Variants in MEGF11 observed in about 807,000 individuals in gnomAD.
MEGF11 encodes the protein multiple EGF like domains 11.
In MEGF11, 126 loss-of-function variants were observed where a neutral mutation model predicts 146.6. The observed-to-expected ratio is 0.86, with a 90% CI of 0.74 to 1.00. The LOEUF is 1.00. MEGF11 is among the 50% of genes least tolerant of loss of function. MEGF11 has a pLI of 0.00. For synonymous variants in MEGF11, 532 were observed against 583.4 expected, an observed-to-expected ratio of 0.91 and a Z score of 1.27; for missense variants, 1,509 against 1,521.2, an observed-to-expected ratio of 0.99 and a Z score of 0.13.
intron 10 of MEGF11, among the ~76,000 whole-genome samples, chr15:65,947,440 A>G (rs539577301): frequency 9.8e-5 from 15 of 152,312 alleles, no homozygotes; most frequent in Non-Finnish European, 1.5e-4. Flanking sequence ...TAAAGCTCCA[A>G]TGAAACAAGC....
intron 5 of MEGF11, among the ~76,000 whole-genome samples, chr15:66,069,104 A>G (rs1377494516): frequency 6.6e-6 from 1 of 152,182 alleles, no homozygotes; most frequent in Non-Finnish European, 1.5e-5. Flanking sequence ...TGGGAATGAT[A>G]ATGGTATCCA....
At chr15:65,955,470 G>C (rs987711490) in intron 10 of MEGF11, among the ~76,000 whole-genome samples, 2 of 149,494 alleles carry the variant, frequency 1.3e-5, no homozygotes, top group Admixed American at 1.3e-4. Context: ...TAGGCCAGAA[G>C]TGGTGGCTCA....
intron 1 of MEGF11, among the ~76,000 whole-genome samples, chr15:66,178,527 G>C (rs1197812798): frequency 1.3e-5 from 2 of 152,330 alleles, no homozygotes; most frequent in East Asian, 3.9e-4. Flanking sequence ...CCCAGATATT[G>C]TTTGGTTCTT....
chr15:65,979,952 C>T (rs1263212123), intron 7 of MEGF11, among the ~76,000 whole-genome samples: 1 of 152,102 alleles, frequency 6.6e-6, no homozygotes, highest in African/African-American at 2.4e-5. Context: ...AGTGGTTTTT[C>T]CCAGACATGA....
chr15:66,217,235 G>A (rs1228551672), intron 1 of MEGF11, among the ~76,000 whole-genome samples: 2 of 152,192 alleles, frequency 1.3e-5, no homozygotes, highest in Non-Finnish European at 2.9e-5. Flanking sequence ...CAGCTGGTCC[G>A]ACTCTCTCCT....
intron 1 of MEGF11, among the ~76,000 whole-genome samples, chr15:66,221,279 G>C (rs1251234585): frequency 6.6e-6 from 1 of 151,910 alleles, no homozygotes; most frequent in African/African-American, 2.4e-5. Flanking sequence ...TCACGGGCTC[G>C]CAGCCGCTCC....
Position 66,068,799 on chromosome 15 carries a change from C to A in MEGF11, c.394+25603G>T, listed in dbSNP as rs117672589. On this transcript the variant is annotated intron_variant, in intron 5 of 25. Coordinates refer to ENST00000395614, the MANE Select transcript of MEGF11 (RefSeq NM_001385028.1). ...GCTGGTCATGGGGGAGAGTGGGTAGCCAGCTGTGCAAAGTCCCCTACCCTA... is the reference window on the plus strand; with the variant it reads ...GCTGGTCATGGGGGAGAGTGGGTAGACAGCTGTGCAAAGTCCCCTACCCTA... Among the ~76,000 whole-genome samples the A allele has an allele frequency of 5.7e-4, 87 of 152,274 alleles. No homozygotes were observed. In the East Asian group the frequency reaches 0.015, roughly 26 times the overall value.
At chr15:66,240,203 T>C (rs1567295632) in intron 1 of MEGF11, among the ~76,000 whole-genome samples, 1 of 152,232 alleles carries the variant, frequency 6.6e-6, no homozygotes, top group Non-Finnish European at 1.5e-5. Flanking sequence ...AGCAGGGCCT[T>C]GCTCAGAGGA....
intron 5 of MEGF11, among the ~76,000 whole-genome samples, chr15:66,084,755 A>G (rs1209881987): frequency 2.6e-5 from 4 of 152,200 alleles, no homozygotes; most frequent in Non-Finnish European, 5.9e-5. Context: ...GGAATTCTCT[A>G]GCAGAAATTT....
intron 5 of MEGF11, among the ~76,000 whole-genome samples, chr15:66,054,184 G>A (rs2084582562): frequency 6.6e-6 from 1 of 152,138 alleles, no homozygotes; most frequent in Admixed American, 6.5e-5. Context: ...TGTCTCCTAA[G>A]TGCCTGCCTG....
intron 1 of MEGF11, among the ~76,000 whole-genome samples, chr15:66,143,432 C>T (rs2089246021): frequency 6.6e-6 from 1 of 152,202 alleles, no homozygotes. Flanking sequence ...CAGTCTACTC[C>T]CTGTCCAGCC....
intron 5 of MEGF11, among the ~76,000 whole-genome samples, chr15:65,995,690 C>T (rs1435093220): frequency 6.6e-6 from 1 of 152,186 alleles, no homozygotes; most frequent in Admixed American, 6.5e-5. Flanking sequence ...GGAAGTCCTG[C>T]AGATTCCCAG....
intron 11 of MEGF11, 63 bp downstream of exon 11, chr15:65,930,760 G>T: frequency 1.1e-5 from 16 of 1,496,358 alleles, no homozygotes; most frequent in Non-Finnish European, 1.4e-5. Context: ...CCCTCAGCTG[G>T]CAGCACCACC....
chr15:65,980,395 C>CTTTTTTTT lies in MEGF11; in HGVS notation c.762+375_762+382dup, dbSNP rs60154748. Among the ~76,000 whole-genome samples, 90 of 88,196 alleles carry CTTTTTTTT rather than the reference C, an allele frequency of 1.0e-3. 2 individuals are homozygous for CTTTTTTTT. The highest frequency in any genetic ancestry group is 3.5e-3 in the African/African-American group (71 of 20,200). The allele number at this position is 88,196 out of a possible 152,430, so 57.9% of individuals were successfully genotyped here. A position where few individuals can be genotyped will look rare whatever the true frequency, so the allele number is the denominator to read the frequency against. On this transcript the variant is annotated intron_variant, in intron 7 of 25. Coordinates refer to ENST00000395614, the MANE Select transcript of MEGF11 (RefSeq NM_001385028.1). ...TATTCAGAGTGGGAGAAGAATTCAGCTTTTTTTTTTTTTTTTTTTTTTTTG... is the reference window on the plus strand; with the variant it reads ...TATTCAGAGTGGGAGAAGAATTCAGCTTTTTTTTTTTTTTTTTTTTTTTTTTTTTTTTG...
intron 1 of MEGF11, among the ~76,000 whole-genome samples, chr15:66,162,886 C>T (rs893738714): frequency 3.9e-5 from 6 of 152,198 alleles, no homozygotes; most frequent in African/African-American, 1.2e-4. Flanking sequence ...AATTACTTCT[C>T]AGGTGGAGGT....
At chr15:66,102,896 T>A (rs916905242) in intron 4 of MEGF11, among the ~76,000 whole-genome samples, 1 of 152,234 alleles carries the variant, frequency 6.6e-6, no homozygotes, top group African/African-American at 2.4e-5. Flanking sequence ...CTGTACTGGA[T>A]AATAAGAGCT....
chr15:66,055,993 A>T (rs190129310), intron 5 of MEGF11, among the ~76,000 whole-genome samples: 38 of 152,286 alleles, frequency 2.5e-4, no homozygotes, highest in African/African-American at 9.1e-4. Context: ...AGGGTGATCC[A>T]GGCCCTTAGT....
chr15:66,233,951 C>CTTTTTTTTTTTTTTTTTTTT (rs57240560), intron 1 of MEGF11, among the ~76,000 whole-genome samples: 2 of 119,932 alleles, frequency 1.7e-5, no homozygotes, highest in East Asian at 2.4e-4. Flanking sequence ...TTTTCTTTTT[C>CTTTTTTTTTTTTTTTTTTTT]TTTTTTTTTT....
At chr15:66,203,967 G>A (rs1243717020) in intron 1 of MEGF11, among the ~76,000 whole-genome samples, 1 of 152,152 alleles carries the variant, frequency 6.6e-6, no homozygotes, top group African/African-American at 2.4e-5. Flanking sequence ...TGTGGGCCAG[G>A]TGTGGTGGTT....
Sources: gnomAD v4.1 joint callset for allele counts (sites outside exome capture counted in the v4.1 genomes callset) on GRCh38, gnomAD v4.1.1 for gene constraint, MANE v1.5 for transcripts, NCBI Gene and HGNC (gene_info 2026-07-23, HGNC 2026-07-21) for gene names.